Variants in GNAI1 observed in about 807,000 individuals in gnomAD.
GNAI1 encodes the protein guanine nucleotide-binding protein G(i) subunit alpha-1.
A neutral mutation model predicts 38.9 loss-of-function variants in GNAI1; 11 were observed. The observed-to-expected ratio is 0.28, with a 90% CI of 0.18 to 0.47. The LOEUF (loss-of-function observed/expected upper bound fraction) is 0.47, where lower values mean the gene tolerates loss of function less well. Ranked by LOEUF, GNAI1 falls within the 20% of genes least tolerant of loss-of-function variation. GNAI1 has a pLI of 0.99. For missense variants in GNAI1, 317 were observed against 436.9 expected (o/e 0.73, Z 2.45); for synonymous variants, 166 against 145.1 (o/e 1.14, Z -1.04).
intron 7 of GNAI1, among the ~76,000 whole-genome samples, chr7:80,216,733 A>C (rs555103458): frequency 6.6e-6 from 1 of 152,160 alleles, no homozygotes; most frequent in Non-Finnish European, 1.5e-5. Flanking sequence ...ACTCAGAGGA[A>C]GTCTTTTATA....
intron 1 of GNAI1, among the ~76,000 whole-genome samples, chr7:80,164,850 T>G (rs1356632439): frequency 6.6e-6 from 1 of 151,222 alleles, no homozygotes; most frequent in Non-Finnish European, 1.5e-5. Flanking sequence ...TAATAGCTGA[T>G]TGACATTTCA....
At chr7:80,210,051 A>G (rs1468020965) in intron 5 of GNAI1, among the ~76,000 whole-genome samples, 1 of 152,186 alleles carries the variant, frequency 6.6e-6, no homozygotes, top group Non-Finnish European at 1.5e-5. Flanking sequence ...TGGGAATTAA[A>G]TAGGGACTAT....
chr7:80,207,626 G>A (rs1041693051), intron 5 of GNAI1, among the ~76,000 whole-genome samples: 1 of 152,040 alleles, frequency 6.6e-6, no homozygotes, highest in African/African-American at 2.4e-5. Context: ...GGTTACATGA[G>A]CCTCAGATGA....
Position 80,222,880 on chromosome 7 carries a change from T to G in GNAI1, c.*5387T>G, listed in dbSNP as rs1487538286. ...CACTGTAAGTTGATAATACCTTATT[T>G]TGAAAATGCATTTAATACACCTAAC... is the stretch of plus-strand genomic sequence containing the variant. On this transcript the variant is annotated 3_prime_UTR_variant, in exon 8 of 8. Coordinates refer to ENST00000649796, the MANE Select transcript of GNAI1 (RefSeq NM_002069.6). 6.6e-6 allele frequency among the ~76,000 whole-genome samples: 1 copy of G among 152,174 alleles called. No homozygotes were observed. The highest frequency in any genetic ancestry group is 1.5e-5 in the Non-Finnish European group (1 of 68,038).
intron 1 of GNAI1, chr7:80,135,511 A>G: frequency 2.5e-6 from 1 of 400,796 alleles, no homozygotes; most frequent in Non-Finnish European, 4.4e-6. Flanking sequence ...GCGTCACTTC[A>G]CTCGGATGCT....
chr7:80,210,903 A>G (rs1379118418), intron 5 of GNAI1, 66 bp from the exon 6 acceptor site: 2 of 1,407,102 alleles, frequency 1.4e-6, no homozygotes, highest in Non-Finnish European at 1.0e-6. Flanking sequence ...TTTTGTTAGC[A>G]TTAAAGAACT....
intron 1 of GNAI1, among the ~76,000 whole-genome samples, chr7:80,180,242 G>A (rs1788267289): frequency 6.6e-6 from 1 of 152,058 alleles, no homozygotes; most frequent in Admixed American, 6.6e-5. Context: ...TCATAAATGT[G>A]TATGTATAAT....
chr7:80,191,435 A>C (rs940120828), intron 3 of GNAI1, among the ~76,000 whole-genome samples: 1 of 152,320 alleles, frequency 6.6e-6, no homozygotes. Flanking sequence ...TCTGTAGCCC[A>C]GGCTGGAGTA....
Position 80,221,232 on chromosome 7 carries a change from A to G in GNAI1, c.*3739A>G, listed in dbSNP as rs777022267. Among the ~76,000 whole-genome samples the G allele has an allele frequency of 3.3e-5, 5 of 152,150 alleles. No individual in the cohort carries two copies. The highest frequency in any genetic ancestry group is 5.9e-5 in the Non-Finnish European group (4 of 68,030). On this transcript the variant is annotated 3_prime_UTR_variant, in exon 8 of 8. Transcript: ENST00000649796. ...AATAATTTAGTTTTGCTCTGCCTCC[A>G]TTTATATCATCTGAAAATAAATAAG...
chr7:80,170,068 C>T (rs1278121281), intron 1 of GNAI1, among the ~76,000 whole-genome samples: 3 of 152,126 alleles, frequency 2.0e-5, no homozygotes, highest in Admixed American at 6.5e-5. Context: ...CCTCTTTATC[C>T]GTTGATGGAC....
At chr7:80,196,759 T>C (rs1788584405) in intron 3 of GNAI1, among the ~76,000 whole-genome samples, 1 of 151,912 alleles carries the variant, frequency 6.6e-6, no homozygotes, top group Admixed American at 6.6e-5. Flanking sequence ...CTGGTAATGA[T>C]GTGGAAGTGA....
intron 1 of GNAI1, among the ~76,000 whole-genome samples, chr7:80,188,079 T>TTA (rs146785397): frequency 0.018 from 2,739 of 152,286 alleles, 77 homozygotes; most frequent in Admixed American, 0.065. Flanking sequence ...GAAAAAACAC[T>TTA]TTTTATTTTA....
chr7:80,177,789 G>C (rs191253505), intron 1 of GNAI1, among the ~76,000 whole-genome samples: 2 of 152,080 alleles, frequency 1.3e-5, no homozygotes, highest in African/African-American at 2.4e-5. Flanking sequence ...TTGTTTTTAC[G>C]CCTTCTAACA....
At chr7:80,174,208 G>A (rs1232385994) in intron 1 of GNAI1, among the ~76,000 whole-genome samples, 3 of 152,062 alleles carry the variant, frequency 2.0e-5, no homozygotes, top group Non-Finnish European at 4.4e-5. Flanking sequence ...TTGATTTAGT[G>A]TAAAAATTTG....
At chr7:80,135,415 G>A (rs2116052844) in intron 1 of GNAI1, 137 bp downstream of exon 1, 1 of 494,584 alleles carries the variant, frequency 2.0e-6, no homozygotes, top group Non-Finnish European at 3.4e-6. Flanking sequence ...TGGGTCCGGC[G>A]GTGCGGAGGC....
At chr7:80,168,128 C>T (rs933424836) in intron 1 of GNAI1, among the ~76,000 whole-genome samples, 8 of 152,136 alleles carry the variant, frequency 5.3e-5, no homozygotes, top group Admixed American at 5.2e-4. Context: ...TCCATGAGAA[C>T]TTCAACTTGC....
chr7:80,194,732 A>T (rs1329759291), intron 3 of GNAI1, among the ~76,000 whole-genome samples: 1 of 152,046 alleles, frequency 6.6e-6, no homozygotes, highest in African/African-American at 2.4e-5. Flanking sequence ...TGACTGATGT[A>T]TCTTGCCACA....
At chr7:80,167,003 A>T (rs572005747) in intron 1 of GNAI1, among the ~76,000 whole-genome samples, 3 of 152,198 alleles carry the variant, frequency 2.0e-5, no homozygotes, top group African/African-American at 4.8e-5. Flanking sequence ...GGTGACTGTC[A>T]TCATTATAAA....
At chr7:80,198,488 A>C in intron 3 of GNAI1, among the ~76,000 whole-genome samples, 1 of 152,152 alleles carries the variant, frequency 6.6e-6, no homozygotes, top group East Asian at 1.9e-4. Context: ...TCAAATTTTA[A>C]GCTAAGTTTA....
Sources: gnomAD v4.1 joint callset for allele counts (sites outside exome capture counted in the v4.1 genomes callset) on GRCh38, gnomAD v4.1.1 for gene constraint, MANE v1.5 for transcripts, NCBI Gene and HGNC (gene_info 2026-07-23, HGNC 2026-07-21) for gene names.